PDE7B: variants seen among roughly 807,000 people sequenced by gnomAD.
PDE7B encodes 3',5'-cyclic-AMP phosphodiesterase 7B.
Under a neutral mutation model 56.2 loss-of-function variants are expected in PDE7B, and 29 were observed. The ratio of observed to expected loss-of-function variants is 0.52; its 90% CI spans 0.38 to 0.70. PDE7B has a LOEUF of 0.70. Among genes scored for constraint, PDE7B ranks in the 30% least tolerant of loss-of-function variants. PDE7B has a pLI of 0.00. For synonymous variants in PDE7B, 197 were observed against 196.9 expected, an observed-to-expected ratio of 1.00 and a Z score of 0.00; for missense variants, 490 against 565.0, an observed-to-expected ratio of 0.87 and a Z score of 1.35.
chr6:136,040,001 A>T (rs1045673210), intron 2 of PDE7B, among the ~76,000 whole-genome samples: 2 of 152,208 alleles, frequency 1.3e-5, no homozygotes, highest in African/African-American at 2.4e-5. Context: ...ATTATTATTT[A>T]TGTTCTATAT....
chr6:136,132,867 A>G (rs1778141794), intron 3 of PDE7B, among the ~76,000 whole-genome samples: 1 of 152,174 alleles, frequency 6.6e-6, no homozygotes, highest in African/African-American at 2.4e-5. Flanking sequence ...TGCTTCCTTA[A>G]GAGTGTCCTG....
At chr6:135,981,357 C>T (rs576511902) in intron 2 of PDE7B, among the ~76,000 whole-genome samples, 7 of 151,140 alleles carry the variant, frequency 4.6e-5, no homozygotes, top group South Asian at 4.2e-4. Flanking sequence ...GAGGGTGCAG[C>T]GCACCAGCAT....
intron 1 of PDE7B, among the ~76,000 whole-genome samples, chr6:135,879,206 T>C (rs1312427699): frequency 2.0e-5 from 3 of 152,122 alleles, no homozygotes; most frequent in Non-Finnish European, 4.4e-5. Context: ...CAGAGATGAA[T>C]AAGAAGCCTT....
intron 2 of PDE7B, among the ~76,000 whole-genome samples, chr6:135,985,104 A>G (rs888643454): frequency 6.6e-6 from 1 of 152,216 alleles, no homozygotes. Flanking sequence ...CAGTCTGAGC[A>G]CCAGACTTTA....
chr6:135,935,194 A>ATATATATATATTTTTATATATATATT (rs1562445464), intron 1 of PDE7B, among the ~76,000 whole-genome samples: 1 of 77,214 alleles, frequency 1.3e-5, no homozygotes. Flanking sequence ...ATTTATTTAT[A>ATATATATATATTTTTATATATATATT]TATATATATA....
chr6:135,991,575 G>A (rs1299150025), intron 2 of PDE7B, among the ~76,000 whole-genome samples: 1 of 152,106 alleles, frequency 6.6e-6, no homozygotes, highest in Non-Finnish European at 1.5e-5. Context: ...CTTCTGCTAG[G>A]AGAAAGCCTT....
intron 2 of PDE7B, among the ~76,000 whole-genome samples, chr6:135,951,316 C>G (rs1318815648): frequency 6.6e-6 from 1 of 152,052 alleles, no homozygotes; most frequent in Non-Finnish European, 1.5e-5. Flanking sequence ...TATAGCAACA[C>G]TTTTACCTTC....
At chr6:136,157,056 T>C (rs1778620799) in intron 8 of PDE7B, among the ~76,000 whole-genome samples, 1 of 152,332 alleles carries the variant, frequency 6.6e-6, no homozygotes, top group South Asian at 2.1e-4. Flanking sequence ...ATCATACCTA[T>C]TTTCCACAGA....
intron 2 of PDE7B, among the ~76,000 whole-genome samples, chr6:136,099,143 A>T (rs11970319): frequency 0.065 from 9,885 of 152,106 alleles, 1,047 homozygotes; most frequent in African/African-American, 0.22. Context: ...CCATGGCATA[A>T]ATGTGCCACA....
intron 2 of PDE7B, among the ~76,000 whole-genome samples, chr6:136,049,865 A>G (rs962919044): frequency 1.3e-5 from 2 of 152,336 alleles, no homozygotes; most frequent in African/African-American, 4.8e-5. Context: ...AAATCTTTAA[A>G]TGGAACAGTA....
intron 8 of PDE7B, among the ~76,000 whole-genome samples, chr6:136,164,737 C>G (rs1373942900): frequency 6.6e-6 from 1 of 151,900 alleles, no homozygotes; most frequent in Non-Finnish European, 1.5e-5. Context: ...AAAAGATTTT[C>G]ACATATAAAA....
chr6:135,896,631 T>C (rs2128190978), intron 1 of PDE7B, among the ~76,000 whole-genome samples: 1 of 152,138 alleles, frequency 6.6e-6, no homozygotes, highest in South Asian at 2.1e-4. Flanking sequence ...CTGTCCCCAT[T>C]TTACAGATGA....
At chr6:136,092,351 C>G (rs1053099462) in intron 2 of PDE7B, among the ~76,000 whole-genome samples, 3 of 152,026 alleles carry the variant, frequency 2.0e-5, no homozygotes, top group African/African-American at 7.3e-5. Flanking sequence ...TTGCAAAACT[C>G]CTGTCAATAA....
rs1387828538 is a variant in PDE7B at position 136,004,083 on chromosome 6, C to A, written c.82+56559C>A. Among the ~76,000 whole-genome samples the A allele has an allele frequency of 5.8e-4, 89 of 152,166 alleles. 1 individual carries two copies. The South Asian group carries it at 0.018, about 31-fold the overall frequency. On this transcript the variant is annotated intron_variant, in intron 2 of 12. Transcript: ENST00000308191. Reference sequence around the variant, plus strand: ...CAATAAATGTAATCCAGCATATAAACAGAACCAAAGACAAAAATCACATGA... The same window carrying A: ...CAATAAATGTAATCCAGCATATAAAAAGAACCAAAGACAAAAATCACATGA...
chr6:136,035,080 C>A (rs1776304638), intron 2 of PDE7B: 1 of 152,160 alleles, frequency 6.6e-6, no homozygotes, highest in Non-Finnish European at 1.5e-5. Context: ...CTGTCTGCAA[C>A]CCATTAATTA....
chr6:135,919,256 A>G lies in PDE7B; in HGVS notation c.22-28208A>G, dbSNP rs1583769980. On this transcript the variant is annotated intron_variant, in intron 1 of 12. Transcript: ENST00000308191. The stretch of plus-strand genomic sequence containing the variant: ...AAGTTTTCAGTTTCAATGGAAAAAT[A>G]AGGGCAGCAGATAATGAACCCTTTA... Among the ~76,000 whole-genome samples the G allele has an allele frequency of 6.6e-5, 10 of 152,324 alleles. 1 individual carries two copies. The South Asian group carries it at 2.1e-3, about 32-fold the overall frequency.
intron 2 of PDE7B, among the ~76,000 whole-genome samples, chr6:135,952,541 A>G (rs1036140334): frequency 3.9e-5 from 6 of 152,158 alleles, no homozygotes; most frequent in Non-Finnish European, 7.4e-5. Context: ...CTGAAGCCCA[A>G]TGTATGCAAC....
At chr6:136,000,236 T>C (rs1489330916) in intron 2 of PDE7B, among the ~76,000 whole-genome samples, 1 of 152,210 alleles carries the variant, frequency 6.6e-6, no homozygotes, top group Non-Finnish European at 1.5e-5. Context: ...TTTGCTGTGA[T>C]GAAGCTCTTA....
At chr6:135,975,479 A>G (rs1162160149) in intron 2 of PDE7B, among the ~76,000 whole-genome samples, 5 of 151,502 alleles carry the variant, frequency 3.3e-5, no homozygotes, top group Non-Finnish European at 7.4e-5. Flanking sequence ...TGGGCTCCCA[A>G]ATCCAGCCCT....
Sources: allele counts gnomAD v4.1 joint callset (sites outside exome capture counted in the v4.1 genomes callset), GRCh38; gene constraint gnomAD v4.1.1; transcripts MANE v1.5; gene names NCBI Gene and HGNC (gene_info 2026-07-23, HGNC 2026-07-21).